Variants in ABCA3 observed in about 807,000 individuals in gnomAD.
ABCA3 encodes phospholipid-transporting ATPase ABCA3.
A neutral mutation model predicts 172.8 loss-of-function variants in ABCA3; 88 were observed. The observed-to-expected ratio is 0.51, with a 90% confidence interval of 0.43 to 0.61. The LOEUF (loss-of-function observed/expected upper bound fraction) is 0.61, where lower values mean the gene tolerates loss of function less well. ABCA3 is among the 20% of genes least tolerant of loss of function. The pLI, the probability that ABCA3 is intolerant of heterozygous loss-of-function variation, is 0.00. For missense variants in ABCA3, 2,164 were observed against 2,301.0 expected (o/e 0.94, Z 1.22); for synonymous variants, 1,066 against 983.8 (o/e 1.08, Z -1.56).
Position 2,285,488 on chromosome 16 carries a change from A to C in ABCA3, c.3437T>G (p.Leu1146Arg). The C allele has an allele frequency of 6.2e-7, 1 of 1,611,956 alleles. No homozygotes were observed. The highest frequency in any genetic ancestry group is 8.5e-7 in the Non-Finnish European group (1 of 1,179,114). The change falls in exon 23 of 33, where the codon CTG becomes CGG. Residue 1146 changes from leucine (L) to arginine (R), a missense_variant. Physicochemically the swap from Leu to Arg is moderately radical, Grantham distance 102. Coordinates refer to ENST00000301732, the MANE Select transcript of ABCA3 (RefSeq NM_001089.3). This position sits in a 1 kb window ranked among gnomAD's most constrained non-coding sequence, Gnocchi z 4.7. ...VHVASFWLSA[L>R]LWDLISFLIP... Reference sequence around the variant, plus strand: ...GAGGAAGGAGATGAGGTCCCACAGCAGAGCAGAGAGCCAGAAACTGGCCAC... The same window carrying C: ...GAGGAAGGAGATGAGGTCCCACAGCCGAGCAGAGAGCCAGAAACTGGCCAC...
At chr16:2,336,922 T>TC (rs2093752805) in intron 1 of ABCA3, among the ~76,000 whole-genome samples, 1 of 151,830 alleles carries the variant, frequency 6.6e-6, no homozygotes, top group Admixed American at 6.6e-5. Context: ...TTTTTTTTTT[T>TC]CTCTGTTAGA....
rs1290925495 is a variant in ABCA3, at chr16:2,289,537, C to T, written c.2597G>A (p.Ser866Asn). The T allele has an allele frequency of 6.3e-7, 1 of 1,575,300 alleles. No individual in the cohort carries two copies. The highest frequency in any genetic ancestry group is 8.6e-7 in the Non-Finnish European group (1 of 1,161,354). Residue 866 changes from serine (S) to asparagine (N), a missense_variant, in exon 20 of 33, where the codon AGC (serine) becomes AAC (asparagine). Ser to Asn is a conservative substitution (Grantham distance 46). Transcript: ENST00000301732. ...GAGGTTGCTGTCCACAGCCCAGTCG[C>T]TGGCGCGCCTCTCGTGCTGGTACTG... ...ALQYQHERRA[S>N]DWAVDSNLCG...
chr16:2,326,586 G>T, intron 3 of ABCA3, 94 bp from the exon 4 acceptor site: 1 of 1,320,684 alleles, frequency 7.6e-7, no homozygotes. Context: ...TTTCCTCCAT[G>T]TCTCTCACCT....
chr16:2,318,576 G>A (rs776011369), intron 8 of ABCA3, among the ~76,000 whole-genome samples: 8 of 150,328 alleles, frequency 5.3e-5, no homozygotes, highest in African/African-American at 9.8e-5. Context: ...GCAGTGGTGC[G>A]ATCTTGGCTC....
rs1165263736 is a variant in ABCA3, at chr16:2,308,515, G to A, written c.1220C>T (p.Ser407Phe). ...NWMTLSQKLCSCLLSNVAMAM... is the reference protein window; with the variant it reads ...NWMTLSQKLCFCLLSNVAMAM... Reference sequence around the variant, plus strand: ...CATGGCGACATTAGACAGGAGGCAGGAGCAGAGCTTCTGGCTCAGAGTCAT... The same window carrying A: ...CATGGCGACATTAGACAGGAGGCAGAAGCAGAGCTTCTGGCTCAGAGTCAT... The change falls in exon 11 of 33, where the codon TCC (serine) becomes TTC (phenylalanine). Residue 407 changes from serine to phenylalanine, a missense_variant. By Grantham distance (155) the Ser-to-Phe change is radical. This residue lies in a region of ABCA3 where 1,343 missense variants were observed against 1,369.6 expected (regional missense o/e 0.98). Coordinates refer to ENST00000301732, the MANE Select transcript of ABCA3 (RefSeq NM_001089.3). The A allele has an allele frequency of 6.8e-6, 11 of 1,614,128 alleles. No individual in the cohort carries two copies. Among genetic ancestry groups the A allele is most frequent in the Non-Finnish European group, 8.5e-6 (10 of 1,180,050 alleles).
rs761618934 is a variant in ABCA3, at chr16:2,289,299, G to T, written c.2700+135C>A. On this transcript the variant is annotated intron_variant, in intron 20 of 32. Coordinates refer to ENST00000301732, the MANE Select transcript of ABCA3 (RefSeq NM_001089.3). ...ACCCATGCGGTGTGAGCCGCTGCCC[G>T]CCCTCTGCCCGGTGTGCTGACTCTC... is the stretch of plus-strand genomic sequence containing the variant. 6 of 1,099,524 alleles carry T rather than the reference G, an allele frequency of 5.5e-6. No individual in the cohort carries two copies. In the South Asian group the frequency reaches 9.0e-5, roughly 16 times the overall value. 68.1% of individuals were successfully genotyped at this position (1,099,524 alleles called of 1,614,324 possible). A position where few individuals can be genotyped will look rare whatever the true frequency, so the allele number is the denominator to read the frequency against.
rs746588103 is a variant in ABCA3 at position 2,288,281 on chromosome 16, C to T, written c.2749G>A (p.Ala917Thr). The T allele has an allele frequency of 5.1e-6, 8 of 1,579,888 alleles. No individual in the cohort carries two copies. The highest frequency in any genetic ancestry group is 2.3e-5 in the East Asian group (1 of 43,632). The change falls in exon 21 of 33, where the codon GCA becomes ACA. Residue 917 changes from alanine to threonine, a missense_variant. This residue lies in a region of ABCA3 where 1,343 missense variants were observed against 1,369.6 expected (regional missense o/e 0.98). Coordinates refer to ENST00000301732, the MANE Select transcript of ABCA3 (RefSeq NM_001089.3). ...QFWAMFLKKA[A>T]YSWREWKMVA... ...ATTTTCCACTCGCGCCAGCTGTATG[C>T]GGCCTTCTTCAGGAACATGGCCCAG...
At chr16:2,294,174 C>G (rs1283121220) in intron 18 of ABCA3, among the ~76,000 whole-genome samples, 1 of 150,812 alleles carries the variant, frequency 6.6e-6, no homozygotes, top group South Asian at 2.1e-4. Flanking sequence ...CCCACCACCA[C>G]GCCCGGCTAA....
intron 19 of ABCA3, among the ~76,000 whole-genome samples, chr16:2,290,380 C>T (rs1006002400): frequency 2.0e-5 from 3 of 152,202 alleles, no homozygotes; most frequent in African/African-American, 7.2e-5. Flanking sequence ...GGAAAAGCTT[C>T]TGATTATTTT....
intron 1 of ABCA3, among the ~76,000 whole-genome samples, chr16:2,337,520 T>C: frequency 6.6e-6 from 1 of 151,622 alleles, no homozygotes; most frequent in South Asian, 2.1e-4. Context: ...ACCATGGGTG[T>C]GCACCACCAT....
At chr16:2,307,665 G>C (rs560814024) in intron 11 of ABCA3, among the ~76,000 whole-genome samples, 1 of 152,244 alleles carries the variant, frequency 6.6e-6, no homozygotes, top group East Asian at 1.9e-4. Context: ...GAGTGCAGTG[G>C]TGCGATCTCA....
intron 17 of ABCA3, among the ~76,000 whole-genome samples, chr16:2,296,981 G>C (rs1244041743): frequency 6.6e-6 from 1 of 152,208 alleles, no homozygotes; most frequent in Non-Finnish European, 1.5e-5. Context: ...AGCCCCTGCT[G>C]GCCCTGGCCA....
rs2093717599 is a variant in ABCA3 at position 2,317,359 on chromosome 16, C to G, written c.1035G>C (p.Leu345=). 2 of 1,614,058 alleles carry G rather than the reference C, an allele frequency of 1.2e-6. No homozygotes were observed. The highest frequency in any genetic ancestry group is 8.5e-7 in the Non-Finnish European group (1 of 1,180,034). The part of the protein sequence containing the change: ...VAVLSRSDPS[L]VLAFLLCFAI... The stretch of plus-strand genomic sequence containing the variant: ...CGAAGCACAGCAGGAAGGCGAGCAC[C>G]AGGGAGGGGTCGCTGCGGGACAGCA... Residue 345 remains leucine (L), a synonymous_variant, in exon 10 of 33, where the codon CTG becomes CTC. Coordinates refer to ENST00000301732, the MANE Select transcript of ABCA3 (RefSeq NM_001089.3).
At position 2,332,475 on chromosome 16, in the gene ABCA3, C is replaced by A; in HGVS notation, c.-538-2621G>T. 9 of 968,166 alleles carry A rather than the reference C, an allele frequency of 9.3e-6. No individual in the cohort carries two copies. The South Asian group carries it at 1.1e-4, about 12-fold the overall frequency. The allele number at this position is 968,166 out of a possible 1,614,324, so 60.0% of individuals were successfully genotyped here. ...CATCCATATACTTCTGGTAATAGGC[C>A]ACCAGGGCTTTGGAGATGGACTGAC... On this transcript the variant is annotated intron_variant, in intron 1 of 32. Transcript: ENST00000301732.
intron 10 of ABCA3, among the ~76,000 whole-genome samples, chr16:2,313,644 C>G (rs187268895): frequency 3.3e-5 from 5 of 150,398 alleles, no homozygotes; most frequent in Admixed American, 3.3e-4. Flanking sequence ...GTGGCTCATG[C>G]CTGTAATCCC....
chr16:2,283,750 A>G lies in ABCA3; in HGVS notation c.3863-392T>C, dbSNP rs766717520. The G allele has an allele frequency of 7.3e-6, 2 of 275,468 alleles. No homozygotes were observed. The highest frequency in any genetic ancestry group is 1.4e-5 in the Non-Finnish European group (2 of 143,144). 17.1% of individuals were successfully genotyped at this position (275,468 alleles called of 1,614,324 possible). ...CTGTCCCCCTGGACCTGGGGTTGTG[A>G]TCTTGCTTAGAAACAGGGTCTTTGA... is the stretch of plus-strand genomic sequence containing the variant. On this transcript the variant is annotated intron_variant, in intron 25 of 32. Coordinates refer to ENST00000301732, the MANE Select transcript of ABCA3 (RefSeq NM_001089.3). This position sits in a 1 kb window ranked among gnomAD's most constrained non-coding sequence, Gnocchi z 5.4.
Position 2,323,470 on chromosome 16 carries a change from G to A in ABCA3, c.613+53C>T, listed in dbSNP as rs754589718. The A allele has an allele frequency of 6.8e-6, 11 of 1,609,626 alleles. No homozygotes were observed. The East Asian group carries it at 1.8e-4, about 26-fold the overall frequency. On this transcript the variant is annotated intron_variant, in intron 7 of 32. Coordinates refer to ENST00000301732, the MANE Select transcript of ABCA3 (RefSeq NM_001089.3). ...AAAGTGGGGCTGCCCCCATATGACTGTCACTAGTCAACAGCCCGGGCTGGT... is the reference window on the plus strand; with the variant it reads ...AAAGTGGGGCTGCCCCCATATGACTATCACTAGTCAACAGCCCGGGCTGGT...
Position 2,284,132 on chromosome 16 carries a change from T to G in ABCA3, c.3862+147A>C. The G allele has an allele frequency of 2.0e-6, 2 of 1,018,264 alleles. No homozygotes were observed. Among genetic ancestry groups the G allele is most frequent in the Non-Finnish European group, 1.4e-6 (1 of 718,250 alleles). 63.1% of individuals were successfully genotyped at this position (1,018,264 alleles called of 1,614,324 possible). A position where few individuals can be genotyped will look rare whatever the true frequency, so the allele number is the denominator to read the frequency against. On this transcript the variant is annotated intron_variant, in intron 25 of 32. Transcript: ENST00000301732. This position sits in a 1 kb window ranked among gnomAD's most constrained non-coding sequence, Gnocchi z 5.9. ...GCGAGCGGGCGCGAGGGGGCTGCTG[T>G]GGGAGGTGGGGCAAGGCGGTACAGA... is the stretch of plus-strand genomic sequence containing the variant.
At position 2,287,953 on chromosome 16, in the gene ABCA3, C is replaced by A; in HGVS notation, c.3004+73G>T. On this transcript the variant is annotated intron_variant, in intron 21 of 32. Coordinates refer to ENST00000301732, the MANE Select transcript of ABCA3 (RefSeq NM_001089.3). The surrounding 1 kb of genome is among the most constrained non-coding windows in gnomAD (Gnocchi z 4.1). ...TCCTCCCCAGATGTCGACCCTGCTG[C>A]AGTCAGGAAGGCGAACTCTGGCTGC... 1 of 1,565,404 alleles carries A rather than the reference C, an allele frequency of 6.4e-7. No homozygotes were observed.
Sources: allele counts gnomAD v4.1 joint callset (sites outside exome capture counted in the v4.1 genomes callset), GRCh38; gene constraint gnomAD v4.1.1; regional missense constraint gnomAD v4.1.1; non-coding constraint Gnocchi (gnomAD v3.1); transcripts MANE v1.5; gene names NCBI Gene and HGNC (gene_info 2026-07-23, HGNC 2026-07-21).